Variants in RPRD1A observed in about 807,000 individuals in gnomAD.
RPRD1A encodes the protein regulation of nuclear pre-mRNA domain containing 1A.
Under a neutral mutation model 37.8 loss-of-function variants are expected in RPRD1A, and 9 were observed. That is an observed-to-expected ratio of 0.24 (90% confidence interval 0.14 to 0.42). RPRD1A has a LOEUF of 0.42. RPRD1A is among the 10% of genes least tolerant of loss of function. The pLI is 1.00. For synonymous variants in RPRD1A, 138 were observed against 139.7 expected (o/e 0.99, Z 0.08); for missense variants, 255 against 371.0 (o/e 0.69, Z 2.57).
chr18:36,027,373 A>G (rs1023878640), intron 4 of RPRD1A, 63 bp from the exon 5 acceptor site: 1 of 1,568,974 alleles, frequency 6.4e-7, no homozygotes, highest in East Asian at 2.2e-5. Context: ...AAAGACTTTA[A>G]TTTCATATTC....
intron 6 of RPRD1A, among the ~76,000 whole-genome samples, chr18:36,009,822 TTTAA>T (rs1443156340): frequency 2.6e-5 from 4 of 152,238 alleles, no homozygotes; most frequent in Admixed American, 1.3e-4. Context: ...TTAATTCTTA[TTTAA>T]TTTTGATTAA....
chr18:36,009,335 G>A (rs542027562), intron 6 of RPRD1A, among the ~76,000 whole-genome samples: 6 of 152,226 alleles, frequency 3.9e-5, no homozygotes, highest in East Asian at 1.9e-4. Flanking sequence ...AACACAGGCA[G>A]ACTCCTCACA....
At chr18:36,054,494 A>ATAAG (rs112541496) in intron 1 of RPRD1A, among the ~76,000 whole-genome samples, 1 of 152,200 alleles carries the variant, frequency 6.6e-6, no homozygotes, top group Non-Finnish European at 1.5e-5. Context: ...CCATCTCAAA[A>ATAAG]TAAGTAAGTA....
At chr18:36,033,322 AAAAG>A (rs1911946325) in intron 2 of RPRD1A, among the ~76,000 whole-genome samples, 2 of 150,826 alleles carry the variant, frequency 1.3e-5, no homozygotes, top group African/African-American at 4.8e-5. Context: ...AAAAAAAAAA[AAAAG>A]AATAGAAACA....
chr18:36,041,918 CT>C (rs1912611391), intron 1 of RPRD1A, among the ~76,000 whole-genome samples: 1 of 152,220 alleles, frequency 6.6e-6, no homozygotes, highest in Non-Finnish European at 1.5e-5. Flanking sequence ...TCCTGTACTA[CT>C]GCCAGGAGGT....
At chr18:36,062,579 A>G (rs2088938127) in intron 1 of RPRD1A, among the ~76,000 whole-genome samples, 1 of 152,182 alleles carries the variant, frequency 6.6e-6, no homozygotes, top group South Asian at 2.1e-4. Flanking sequence ...ACAATATTCT[A>G]TTCGGCCATA....
At chr18:35,999,428 AGAT>A (rs1198166954) in intron 6 of RPRD1A, among the ~76,000 whole-genome samples, 10 of 152,222 alleles carry the variant, frequency 6.6e-5, no homozygotes, top group Admixed American at 3.3e-4. Flanking sequence ...TATCATTCTG[AGAT>A]GATATCAGAA....
chr18:36,032,588 AAAC>A (rs1224145633), intron 2 of RPRD1A, among the ~76,000 whole-genome samples: 1 of 152,240 alleles, frequency 6.6e-6, no homozygotes, highest in African/African-American at 2.4e-5. Flanking sequence ...TAAAGAAATT[AAAC>A]AATACTAAAG....
chr18:36,048,063 C>CTTTTTT (rs1156933838), intron 1 of RPRD1A, among the ~76,000 whole-genome samples: 3 of 114,472 alleles, frequency 2.6e-5, no homozygotes, highest in African/African-American at 3.5e-5. Flanking sequence ...GTACCCATTC[C>CTTTTTT]TTTTTTTTTT....
In RPRD1A at chr18:36,067,526, G is replaced by T. The variant is rs1286105755; in HGVS notation, c.-122C>A. On this transcript the variant is annotated 5_prime_UTR_variant, in exon 1 of 7. Coordinates refer to ENST00000399022, the MANE Select transcript of RPRD1A (RefSeq NM_018170.5). ...TCCCCACGCTCTCACCACGGCCGCCGCTTCATCCAAGACCGGCCGCAAACC... is the reference window on the plus strand; with the variant it reads ...TCCCCACGCTCTCACCACGGCCGCCTCTTCATCCAAGACCGGCCGCAAACC... The T allele has an allele frequency of 6.5e-6, 7 of 1,069,774 alleles. No homozygotes were observed. In the South Asian group the frequency reaches 9.8e-5, roughly 15 times the overall value. The allele number at this position is 1,069,774 out of a possible 1,614,324, so 66.3% of individuals were successfully genotyped here. A position where few individuals can be genotyped will look rare whatever the true frequency, so the allele number is the denominator to read the frequency against.
intron 2 of RPRD1A, among the ~76,000 whole-genome samples, chr18:36,031,728 A>C (rs12964535): frequency 0.53 from 80,625 of 152,052 alleles, 23,440 homozygotes; most frequent in Middle Eastern, 0.69. Flanking sequence ...AATTTTGTAA[A>C]GTCTTCTCAC....
chr18:36,010,510 C>G (rs957309400), intron 6 of RPRD1A, among the ~76,000 whole-genome samples: 1 of 151,922 alleles, frequency 6.6e-6, no homozygotes, highest in African/African-American at 2.4e-5. Flanking sequence ...AAAAACAAAA[C>G]AAAACAAAAG....
intron 6 of RPRD1A, among the ~76,000 whole-genome samples, chr18:36,001,939 C>T (rs958014229): frequency 1.3e-5 from 2 of 152,176 alleles, no homozygotes; most frequent in African/African-American, 2.4e-5. Context: ...TCTTTCAACA[C>T]TTATCTTCTT....
chr18:36,027,163 G>T (rs754220632), intron 5 of RPRD1A, 21 bp downstream of exon 5: 1 of 1,613,280 alleles, frequency 6.2e-7, no homozygotes, highest in Non-Finnish European at 8.5e-7. Flanking sequence ...AAAAGTTCTG[G>T]ATCACATTTT....
intron 1 of RPRD1A, among the ~76,000 whole-genome samples, chr18:36,049,708 T>A (rs1175956871): frequency 6.6e-6 from 1 of 152,250 alleles, no homozygotes; most frequent in Non-Finnish European, 1.5e-5. Flanking sequence ...TATTCATTTA[T>A]CTGTTGTTGG....
chr18:36,007,900 T>C (rs1162772447), intron 6 of RPRD1A, among the ~76,000 whole-genome samples: 7 of 152,066 alleles, frequency 4.6e-5, no homozygotes, highest in Non-Finnish European at 1.0e-4. Flanking sequence ...ATCGCGCCAC[T>C]GCACTACAGC....
intron 6 of RPRD1A, among the ~76,000 whole-genome samples, chr18:36,018,456 G>A (rs1272800568): frequency 6.6e-6 from 1 of 151,926 alleles, no homozygotes; most frequent in African/African-American, 2.4e-5. Context: ...TCTATTTTTA[G>A]TAGAGACGGG....
At chr18:36,042,186 T>A (rs1437041451) in intron 1 of RPRD1A, among the ~76,000 whole-genome samples, 1 of 152,190 alleles carries the variant, frequency 6.6e-6, no homozygotes. Context: ...AATGGGTTCC[T>A]CCAGTTTTCC....
intron 6 of RPRD1A, among the ~76,000 whole-genome samples, chr18:36,013,654 G>A (rs571228260): frequency 7.9e-5 from 12 of 152,168 alleles, no homozygotes; most frequent in African/African-American, 2.9e-4. Context: ...AAAGACCTGC[G>A]CCATTTTTGT....
Sources: allele counts gnomAD v4.1 joint callset (sites outside exome capture counted in the v4.1 genomes callset), GRCh38; gene constraint gnomAD v4.1.1; transcripts MANE v1.5; gene names NCBI Gene and HGNC (gene_info 2026-07-23, HGNC 2026-07-21).